The following MACF1 variants were observed in gnomAD, a reference collection of about 807,000 sequenced individuals.
MACF1 encodes microtubule actin crosslinking factor 1, also known as microtubule-actin cross-linking factor 1.
Under a neutral mutation model 854.8 loss-of-function variants are expected in MACF1, and 193 were observed. The ratio of observed to expected loss-of-function variants is 0.23; its 90% CI spans 0.20 to 0.25. The LOEUF is 0.25. Ranked by LOEUF, MACF1 falls within the 10% of genes least tolerant of loss-of-function variation. The probability of loss-of-function intolerance (pLI) is 1.00; values close to 1 mark genes in which losing one functional copy is unlikely to be tolerated. For synonymous variants in MACF1, 3,185 were observed against 3,226.7 expected (o/e 0.99, Z 0.44); for missense variants, 7,722 against 8,929.1 (o/e 0.86, Z 5.45).
intron 2 of MACF1, among the ~76,000 whole-genome samples, chr1:39,146,909 G>C (rs1212149043): frequency 6.6e-6 from 1 of 152,130 alleles, no homozygotes; most frequent in Non-Finnish European, 1.5e-5. Context: ...ACCCTGATGT[G>C]ATTAGTATAC....
chr1:39,168,122 C>A (rs1643901286), intron 2 of MACF1, among the ~76,000 whole-genome samples: 1 of 152,090 alleles, frequency 6.6e-6, no homozygotes, highest in Non-Finnish European at 1.5e-5. Context: ...AGAGAAGAAG[C>A]CCGTTTAGCT....
intron 34 of MACF1, 60 bp downstream of exon 34, chr1:39,324,405 T>C: frequency 4.4e-6 from 7 of 1,575,032 alleles, no homozygotes; most frequent in Non-Finnish European, 3.5e-6. Context: ...ATACATTAGG[T>C]GGAATAGTAG....
intron 6 of MACF1, among the ~76,000 whole-genome samples, chr1:39,271,460 G>A (rs1645319558): frequency 6.6e-6 from 1 of 152,172 alleles, no homozygotes; most frequent in African/African-American, 2.4e-5. Flanking sequence ...CATGATTCAT[G>A]ATCCAGTCGT....
In MACF1 at chr1:39,333,876, T is replaced by C. The variant is rs902878442; in HGVS notation, c.7288T>C (p.Leu2430=). The C allele has an allele frequency of 6.2e-7, 1 of 1,614,036 alleles. No individual in the cohort carries two copies. Among genetic ancestry groups the C allele is most frequent in the Non-Finnish European group, 8.5e-7 (1 of 1,180,020 alleles). Residue 2430 remains leucine, a synonymous_variant, in exon 37 of 101, where the codon TTG becomes CTG. Transcript: ENST00000564288. ...AGTAACTTTGGCCTCAACTCTTGGCTTGGTGGACGTTGCTGACCAGCCAGA... is the reference window on the plus strand; with the variant it reads ...AGTAACTTTGGCCTCAACTCTTGGCCTGGTGGACGTTGCTGACCAGCCAGA... ...VSVTLASTLG[L]VDVADQPELI... is the part of the protein sequence containing the mutation.
At chr1:39,090,794 C>T (rs1641782537) in intron 2 of MACF1, among the ~76,000 whole-genome samples, 1 of 152,154 alleles carries the variant, frequency 6.6e-6, no homozygotes, top group Non-Finnish European at 1.5e-5. Flanking sequence ...GACACTGCAG[C>T]AGGATCTAGG....
chr1:39,391,932 C>T (rs574252283), intron 58 of MACF1, among the ~76,000 whole-genome samples: 59 of 152,238 alleles, frequency 3.9e-4, no homozygotes, highest in Non-Finnish European at 6.6e-4. Context: ...GTGTGTTCAT[C>T]AACAGTGGAC....
Position 39,424,119 on chromosome 1 carries a change from A to T in MACF1, c.16241A>T (p.Asp5414Val). 1 of 1,613,164 alleles carries T rather than the reference A, an allele frequency of 6.2e-7. No individual in the cohort carries two copies. The highest frequency in any genetic ancestry group is 8.5e-7 in the Non-Finnish European group (1 of 1,179,820). Reference protein sequence around the residue: ...GRIAQSAELADREKITGQLES... With the variant: ...GRIAQSAELAVREKITGQLES... ...ATAGCCCAGTCAGCAGAGCTGGCTG[A>T]TAGAGAGAAAATCACTGGACAGCTG... The change falls in exon 61 of 101, where the codon GAT becomes GTT. Residue 5414 changes from aspartate to valine, a missense_variant. By Grantham distance (152) the Asp-to-Val change is radical. Coordinates refer to ENST00000564288, the MANE Select transcript of MACF1 (RefSeq NM_001394062.1).
At chr1:39,172,440 C>G (rs956714882) in intron 2 of MACF1, among the ~76,000 whole-genome samples, 2 of 152,174 alleles carry the variant, frequency 1.3e-5, no homozygotes, top group African/African-American at 4.8e-5. Flanking sequence ...CTTTCACTCC[C>G]TGGGCCTTTC....
intron 2 of MACF1, among the ~76,000 whole-genome samples, chr1:39,184,973 G>A (rs909480771): frequency 1.3e-5 from 2 of 152,196 alleles, no homozygotes; most frequent in Non-Finnish European, 2.9e-5. Context: ...CAAAAAAGTA[G>A]AAGATACTAC....
intron 2 of MACF1, among the ~76,000 whole-genome samples, chr1:39,197,060 A>G (rs1418512611): frequency 1.3e-5 from 2 of 152,280 alleles, no homozygotes; most frequent in African/African-American, 4.8e-5. Flanking sequence ...TTTGTATGAT[A>G]AATGATCTCT....
At chr1:39,133,961 G>A (rs1643088307) in intron 2 of MACF1, among the ~76,000 whole-genome samples, 1 of 148,082 alleles carries the variant, frequency 6.8e-6, no homozygotes, top group South Asian at 2.2e-4. Flanking sequence ...GCTTTTCCTA[G>A]TTTGCTAGGG....
rs771891236 is a variant in MACF1 at position 39,429,994 on chromosome 1, G to A, written c.17056G>A (p.Glu5686Lys). The A allele has an allele frequency of 6.2e-7, 1 of 1,613,904 alleles. No homozygotes were observed. The highest frequency in any genetic ancestry group is 1.1e-5 in the South Asian group (1 of 91,062). The change falls in exon 65 of 101, where the codon GAG becomes AAG. Residue 5686 changes from glutamate (E) to lysine (K), a missense_variant. Glu to Lys is a moderately conservative substitution (Grantham distance 56). Around this residue, in one of 15 missense-constraint regions of MACF1, gnomAD observed 2,807 missense variants for 3,235.8 expected, o/e 0.87. Transcript: ENST00000564288. ...ACTGACCGGGTGGCTGAGGGAGGTG[G>A]AGGAGGAGCTGGCAACCAGTGGAGG... ...EELTGWLREV[E>K]EELATSGGQS...
intron 2 of MACF1, among the ~76,000 whole-genome samples, chr1:39,085,064 A>G (rs1641638505): frequency 6.6e-6 from 1 of 152,150 alleles, no homozygotes; most frequent in African/African-American, 2.4e-5. Context: ...CTCTTTGCCA[A>G]GCAGCAGCAC....
intron 2 of MACF1, among the ~76,000 whole-genome samples, chr1:39,247,314 G>A (rs1002918802): frequency 5.9e-5 from 9 of 151,746 alleles, no homozygotes; most frequent in Admixed American, 3.9e-4. Flanking sequence ...CTCGTGATCC[G>A]CCCGTCTCGG....
chr1:39,268,938 G>A (rs1296646545), intron 6 of MACF1: 2 of 1,287,652 alleles, frequency 1.6e-6, no homozygotes, highest in Non-Finnish European at 2.0e-6. Context: ...GGGAGGGGTA[G>A]AGCATACCCC....
intron 2 of MACF1, among the ~76,000 whole-genome samples, chr1:39,193,791 GGAGAGA>G (rs147540075): frequency 4.7e-5 from 7 of 149,078 alleles, no homozygotes; most frequent in African/African-American, 7.4e-5. Context: ...AGAGAGAGAG[GGAGAGA>G]GAGAGAGAGA....
chr1:39,479,689 A>G, intron 97 of MACF1, 109 bp from the exon 98 acceptor site: 1 of 867,266 alleles, frequency 1.2e-6, no homozygotes, highest in South Asian at 1.6e-5. Flanking sequence ...ATGGTACTAA[A>G]CCCATATAAC....
intron 40 of MACF1, among the ~76,000 whole-genome samples, chr1:39,345,769 C>CT (rs1250680975): frequency 1.3e-5 from 2 of 152,074 alleles, no homozygotes; most frequent in African/African-American, 4.8e-5. Context: ...CTTTGCAAAA[C>CT]TTTTTTAAAA....
At chr1:39,381,382 G>GC (rs1346193704) in intron 55 of MACF1, among the ~76,000 whole-genome samples, 1 of 143,132 alleles carries the variant, frequency 7.0e-6, no homozygotes, top group Non-Finnish European at 1.5e-5. Context: ...TTTTTTTGGG[G>GC]GGGGGGACAG....
Sources: gnomAD v4.1 joint callset for allele counts (sites outside exome capture counted in the v4.1 genomes callset) on GRCh38, gnomAD v4.1.1 for gene constraint, gnomAD v4.1.1 regional missense constraint, MANE v1.5 for transcripts, NCBI Gene and HGNC (gene_info 2026-07-23, HGNC 2026-07-21) for gene names.